Variants in LHFPL3 observed in about 807,000 individuals in gnomAD.
LHFPL3 encodes LHFPL tetraspan subfamily member 3 protein.
LHFPL3 carries 5 observed loss-of-function variants against 19.3 expected under a neutral mutation model. The observed-to-expected ratio is 0.26, with a 90% CI of 0.14 to 0.54. The LOEUF is 0.54. Ranked by LOEUF, LHFPL3 falls within the 20% of genes least tolerant of loss-of-function variation. The pLI is 0.94. For synonymous variants in LHFPL3, 133 were observed against 126.2 expected (o/e 1.05, Z -0.36); for missense variants, 249 against 307.4 (o/e 0.81, Z 1.42).
At chr7:104,619,701 G>A (rs1331370390) in intron 1 of LHFPL3, among the ~76,000 whole-genome samples, 5 of 151,944 alleles carry the variant, frequency 3.3e-5, no homozygotes, top group Admixed American at 2.6e-4. Flanking sequence ...CTCGATGGGG[G>A]GAGAATAACA....
chr7:104,771,835 T>C (rs1280105807), intron 2 of LHFPL3, among the ~76,000 whole-genome samples: 3 of 142,586 alleles, frequency 2.1e-5, no homozygotes, highest in Admixed American at 7.1e-5. Flanking sequence ...TTTTTTTTTT[T>C]TTTTTTTGAG....
In LHFPL3 at chr7:104,907,793, A is replaced by T. The variant is rs1258227105; in HGVS notation, c.*1578A>T. Among the ~76,000 whole-genome samples, 1 of 152,202 alleles carries T rather than the reference A, an allele frequency of 6.6e-6. No homozygotes were observed. The highest frequency in any genetic ancestry group is 2.4e-5 in the African/African-American group (1 of 41,462). On this transcript the variant is annotated 3_prime_UTR_variant, in exon 3 of 3. Coordinates refer to ENST00000424859, the MANE Select transcript of LHFPL3 (RefSeq NM_199000.3). Reference sequence around the variant, plus strand: ...CTTACCCTCTCTCTGTTAGGACCACATTCCTATTTTAGCCAAATGTTTCTG... The same window carrying T: ...CTTACCCTCTCTCTGTTAGGACCACTTTCCTATTTTAGCCAAATGTTTCTG...
intron 1 of LHFPL3, among the ~76,000 whole-genome samples, chr7:104,582,796 T>C (rs1223000279): frequency 1.3e-5 from 2 of 151,974 alleles, no homozygotes; most frequent in Non-Finnish European, 2.9e-5. Context: ...CCAATATGGT[T>C]ATAATGCATT....
intron 1 of LHFPL3, among the ~76,000 whole-genome samples, chr7:104,401,355 C>T (rs1477584807): frequency 6.6e-6 from 1 of 152,118 alleles, no homozygotes; most frequent in Non-Finnish European, 1.5e-5. Flanking sequence ...TTAATTAGTT[C>T]CATAATCAAC....
intron 1 of LHFPL3, among the ~76,000 whole-genome samples, chr7:104,549,215 A>C (rs1794624817): frequency 6.6e-6 from 1 of 152,100 alleles, no homozygotes; most frequent in African/African-American, 2.4e-5. Flanking sequence ...AAGATTCCAG[A>C]CCAGGATAGA....
At chr7:104,329,307 C>A in intron 1 of LHFPL3, 83 bp downstream of exon 1, 1 of 1,471,732 alleles carries the variant, frequency 6.8e-7, no homozygotes, top group Middle Eastern at 2.1e-4. Flanking sequence ...GGGACGGGGG[C>A]TGTGCGCGCC....
intron 1 of LHFPL3, among the ~76,000 whole-genome samples, chr7:104,482,200 T>C (rs927486702): frequency 2.6e-5 from 4 of 152,220 alleles, no homozygotes; most frequent in Non-Finnish European, 5.9e-5. Flanking sequence ...GGATTTCCAT[T>C]AGCCACATCC....
At chr7:104,408,950 C>T (rs903338611) in intron 1 of LHFPL3, among the ~76,000 whole-genome samples, 4 of 149,130 alleles carry the variant, frequency 2.7e-5, no homozygotes, top group African/African-American at 5.0e-5. Context: ...CTGCAAGCTC[C>T]GCCTCCGGGG....
chr7:104,577,870 T>C (rs528950037), intron 1 of LHFPL3, among the ~76,000 whole-genome samples: 26 of 152,328 alleles, frequency 1.7e-4, no homozygotes, highest in African/African-American at 6.0e-4. Flanking sequence ...TAATAAGTGC[T>C]TAAAGCATCT....
chr7:104,599,482 T>C (rs1790923852), intron 1 of LHFPL3, among the ~76,000 whole-genome samples: 1 of 152,344 alleles, frequency 6.6e-6, no homozygotes, highest in African/African-American at 2.4e-5. Context: ...CTCCATCCTC[T>C]GTTTATGGGT....
intron 1 of LHFPL3, among the ~76,000 whole-genome samples, chr7:104,538,209 T>G (rs1794423012): frequency 6.6e-6 from 1 of 152,180 alleles, no homozygotes; most frequent in Non-Finnish European, 1.5e-5. Context: ...TATTCCACAA[T>G]GGCAAATCTG....
intron 1 of LHFPL3, among the ~76,000 whole-genome samples, chr7:104,464,215 A>G (rs1792731912): frequency 6.6e-6 from 1 of 152,228 alleles, no homozygotes; most frequent in South Asian, 2.1e-4. Flanking sequence ...CCCGGGTCAC[A>G]CAGATACAAG....
intron 1 of LHFPL3, among the ~76,000 whole-genome samples, chr7:104,570,512 A>G (rs1790212283): frequency 6.6e-6 from 1 of 152,194 alleles, no homozygotes; most frequent in Admixed American, 6.5e-5. Flanking sequence ...TTATGTCATA[A>G]CGCAAAAATA....
chr7:104,599,771 G>T (rs1017944871), intron 1 of LHFPL3, among the ~76,000 whole-genome samples: 37 of 152,320 alleles, frequency 2.4e-4, no homozygotes, highest in African/African-American at 8.7e-4. Context: ...CAGTTGTGCA[G>T]AGGGATGCAG....
At chr7:104,499,939 G>T (rs1793568093) in intron 1 of LHFPL3, among the ~76,000 whole-genome samples, 2 of 152,288 alleles carry the variant, frequency 1.3e-5, no homozygotes, top group East Asian at 3.9e-4. Context: ...TTAAAAAGAT[G>T]TTTTACAATT....
chr7:104,447,794 A>T (rs2116594494), intron 1 of LHFPL3, among the ~76,000 whole-genome samples: 1 of 152,138 alleles, frequency 6.6e-6, no homozygotes, highest in African/African-American at 2.4e-5. Context: ...TTTTAATCAA[A>T]ATTCTTTTAA....
chr7:104,589,578 T>C (rs1171141088), intron 1 of LHFPL3, among the ~76,000 whole-genome samples: 1 of 152,158 alleles, frequency 6.6e-6, no homozygotes, highest in Admixed American at 6.6e-5. Flanking sequence ...ATTCTCTTTT[T>C]TTGTTGTGTC....
At chr7:104,747,450 G>A (rs77828596) in intron 2 of LHFPL3, among the ~76,000 whole-genome samples, 3,625 of 152,268 alleles carry the variant, frequency 0.024, 79 homozygotes, top group East Asian at 0.055. Flanking sequence ...TAGAAAATAC[G>A]ATCACTTTAG....
chr7:104,738,435 A>G (rs1233585785), intron 2 of LHFPL3, among the ~76,000 whole-genome samples: 1 of 152,192 alleles, frequency 6.6e-6, no homozygotes, highest in Non-Finnish European at 1.5e-5. Flanking sequence ...AATGAATTAA[A>G]TAAAAGCCTA....
Sources: gnomAD v4.1 joint callset for allele counts (sites outside exome capture counted in the v4.1 genomes callset) on GRCh38, gnomAD v4.1.1 for gene constraint, MANE v1.5 for transcripts, NCBI Gene and HGNC (gene_info 2026-07-23, HGNC 2026-07-21) for gene names.